The following PPP3CA variants were observed in gnomAD, a reference collection of about 807,000 sequenced individuals.
The protein encoded by PPP3CA is protein phosphatase 3 catalytic subunit alpha.
PPP3CA carries 14 observed loss-of-function variants against 66.5 expected under a neutral mutation model. The observed-to-expected ratio is 0.21, with a 90% CI of 0.14 to 0.33. The LOEUF is 0.33. Among genes scored for constraint, PPP3CA ranks in the 10% least tolerant of loss-of-function variants. The pLI, the probability that PPP3CA is intolerant of heterozygous loss-of-function variation, is 1.00. For missense variants in PPP3CA, 317 were observed against 639.5 expected (o/e 0.50, Z 5.44); for synonymous variants, 232 against 226.2 (o/e 1.03, Z -0.23).
At chr4:101,065,339 C>G (rs901549574) in intron 8 of PPP3CA, among the ~76,000 whole-genome samples, 1 of 152,060 alleles carries the variant, frequency 6.6e-6, no homozygotes, top group Non-Finnish European at 1.5e-5. Flanking sequence ...ATCCTCATAT[C>G]TTCAGATGAA....
At chr4:101,263,875 A>G (rs116221530) in intron 1 of PPP3CA, among the ~76,000 whole-genome samples, 1,836 of 152,310 alleles carry the variant, frequency 0.012, 30 homozygotes, top group African/African-American at 0.042. Flanking sequence ...AAATCTATAT[A>G]TACTATGCAA....
rs1560567118 is a variant in PPP3CA, at chr4:101,025,848, A to T, written c.*17T>A. On this transcript the variant is annotated 3_prime_UTR_variant, in exon 14 of 14. Coordinates refer to ENST00000394854, the MANE Select transcript of PPP3CA (RefSeq NM_000944.5). ...AAAAAAAAAAAAAAAAAAAAAAAAA[A>T]AGTGAACAGGAAGTGGTCACTGAAT... 7 of 1,340,568 alleles carry T rather than the reference A, an allele frequency of 5.2e-6. No homozygotes were observed. Among genetic ancestry groups the T allele is most frequent in the Non-Finnish European group, 7.0e-6 (7 of 1,000,960 alleles). 83.0% of individuals were successfully genotyped at this position (1,340,568 alleles called of 1,614,324 possible).
At chr4:101,222,532 T>C (rs1016132863) in intron 1 of PPP3CA, among the ~76,000 whole-genome samples, 8 of 151,622 alleles carry the variant, frequency 5.3e-5, no homozygotes, top group African/African-American at 1.9e-4. Context: ...AGAGGAAGGG[T>C]ACACCTTATA....
At chr4:101,309,772 A>G (rs1728665622) in intron 1 of PPP3CA, among the ~76,000 whole-genome samples, 1 of 152,208 alleles carries the variant, frequency 6.6e-6, no homozygotes, top group South Asian at 2.1e-4. Flanking sequence ...TAACCAAGAG[A>G]GACACTGTTC....
chr4:101,060,248 T>C (rs896385636), intron 10 of PPP3CA, among the ~76,000 whole-genome samples: 4 of 151,970 alleles, frequency 2.6e-5, no homozygotes, highest in African/African-American at 9.7e-5. Flanking sequence ...CCACCACACA[T>C]GGCTAATTTT....
chr4:101,251,184 G>A lies in PPP3CA; in HGVS notation c.59-55068C>T, dbSNP rs187639330. On this transcript the variant is annotated intron_variant, in intron 1 of 13. Coordinates refer to ENST00000394854, the MANE Select transcript of PPP3CA (RefSeq NM_000944.5). ...AAAATTATATCATATGAAGACAAAT[G>A]TAGAACAATGAAAGAAAACAACTGG... 3.1e-3 allele frequency among the ~76,000 whole-genome samples: 478 copies of A among 152,010 alleles called. 2 individuals are homozygous for A. The Middle Eastern group carries it at 0.037, about 12-fold the overall frequency.
At chr4:101,038,119 T>C (rs1263704270) in intron 11 of PPP3CA, among the ~76,000 whole-genome samples, 1 of 152,148 alleles carries the variant, frequency 6.6e-6, no homozygotes, top group African/African-American at 2.4e-5. Flanking sequence ...ACCTGGCACT[T>C]AGCAAGTGCC....
At position 101,161,610 on chromosome 4, in the gene PPP3CA, C is replaced by T. The variant is rs548888426; in HGVS notation, c.259+34306G>A. 2.6e-5 allele frequency among the ~76,000 whole-genome samples: 4 copies of T among 152,178 alleles called. No homozygotes were observed. In the East Asian group the frequency reaches 7.7e-4, roughly 29 times the overall value. ...ATTTAAATACAGACATAAAAAAATG[C>T]TCGGTTGGCAATTAGGATTTTACAC... On this transcript the variant is annotated intron_variant, in intron 2 of 13. Transcript: ENST00000394854.
intron 1 of PPP3CA, among the ~76,000 whole-genome samples, chr4:101,230,754 C>T (rs142721806): frequency 9.2e-5 from 14 of 151,670 alleles, no homozygotes; most frequent in East Asian, 2.0e-4. Flanking sequence ...TAGAATAGCA[C>T]GCAAAGATTT....
rs549310301 is a variant in PPP3CA, at chr4:101,121,267, A to T, written c.260-12189T>A. Among the ~76,000 whole-genome samples, 268 of 152,254 alleles carry T rather than the reference A, an allele frequency of 1.8e-3. 1 individual carries two copies. Among genetic ancestry groups the T allele is most frequent in the Non-Finnish European group, 2.8e-3 (191 of 67,966 alleles). ...CATAATATGTATTTGATAAGTTATTAAACTGCTTCTTATTGAGAAAAGTTT... is the reference window on the plus strand; with the variant it reads ...CATAATATGTATTTGATAAGTTATTTAACTGCTTCTTATTGAGAAAAGTTT... On this transcript the variant is annotated intron_variant, in intron 2 of 13. Coordinates refer to ENST00000394854, the MANE Select transcript of PPP3CA (RefSeq NM_000944.5).
chr4:101,161,660 A>G (rs1365738706), intron 2 of PPP3CA, among the ~76,000 whole-genome samples: 3 of 152,190 alleles, frequency 2.0e-5, no homozygotes, highest in Non-Finnish European at 4.4e-5. Context: ...TTTTTAACAC[A>G]TACAGGTGAG....
rs532116129 is a variant in PPP3CA, at chr4:101,043,656, C to T, written c.1157-3090G>A. On this transcript the variant is annotated intron_variant, in intron 10 of 13. Coordinates refer to ENST00000394854, the MANE Select transcript of PPP3CA (RefSeq NM_000944.5). ...TTGGGAGACTGAGGTGGGCGGATCA[C>T]GAGGTTGGGAGATCGAGACCATCCT... 1.1e-4 allele frequency among the ~76,000 whole-genome samples: 17 copies of T among 151,964 alleles called. No individual in the cohort carries two copies. In the East Asian group the frequency reaches 3.1e-3, roughly 28 times the overall value.
At position 101,087,490 on chromosome 4, in the gene PPP3CA, G is replaced by A. The variant is rs545255494; in HGVS notation, c.783-4227C>T. Among the ~76,000 whole-genome samples the A allele has an allele frequency of 7.2e-5, 11 of 152,106 alleles. No homozygotes were observed. In the South Asian group the frequency reaches 2.3e-3, roughly 32 times the overall value. ...TCTCTTACTGTCACCTCCTCTCTATGGGTAACCAGTATCCTGGCTTATAGC... is the reference window on the plus strand; with the variant it reads ...TCTCTTACTGTCACCTCCTCTCTATAGGTAACCAGTATCCTGGCTTATAGC... On this transcript the variant is annotated intron_variant, in intron 6 of 13. Coordinates refer to ENST00000394854, the MANE Select transcript of PPP3CA (RefSeq NM_000944.5).
chr4:101,257,486 A>C (rs1726882861), intron 1 of PPP3CA, among the ~76,000 whole-genome samples: 2 of 152,110 alleles, frequency 1.3e-5, no homozygotes, highest in South Asian at 2.1e-4. Context: ...AAGTATTTAA[A>C]TCAGAGACTA....
chr4:101,293,381 C>T (rs548415732), intron 1 of PPP3CA, among the ~76,000 whole-genome samples: 46 of 152,300 alleles, frequency 3.0e-4, no homozygotes, highest in African/African-American at 1.1e-3. Flanking sequence ...CTCAGGAACT[C>T]TTGATTCTTC....
At chr4:101,181,912 T>A (rs193186354) in intron 2 of PPP3CA, among the ~76,000 whole-genome samples, 143 of 152,178 alleles carry the variant, frequency 9.4e-4, no homozygotes, top group Non-Finnish European at 1.7e-3. Flanking sequence ...GAGTTGACAA[T>A]AATTTGATTG....
intron 10 of PPP3CA, among the ~76,000 whole-genome samples, chr4:101,051,770 TA>T (rs1190106062): frequency 6.6e-6 from 1 of 152,158 alleles, no homozygotes; most frequent in Non-Finnish European, 1.5e-5. Context: ...TAAATCCATT[TA>T]TGCTTAGATA....
In PPP3CA at chr4:101,300,496, T is replaced by A. The variant is rs1195664385; in HGVS notation, c.58+46243A>T. ...TTGTTTTAATGTTTTAAATTAATTTTAAAATCCCTTTTTGCCAGCCAGGTG... is the reference window on the plus strand; with the variant it reads ...TTGTTTTAATGTTTTAAATTAATTTAAAAATCCCTTTTTGCCAGCCAGGTG... On this transcript the variant is annotated intron_variant, in intron 1 of 13. Transcript: ENST00000394854. 2.6e-5 allele frequency among the ~76,000 whole-genome samples: 4 copies of A among 152,308 alleles called. No homozygotes were observed. The East Asian group carries it at 7.7e-4, about 29-fold the overall frequency.
intron 1 of PPP3CA, among the ~76,000 whole-genome samples, chr4:101,310,325 C>G (rs1014186709): frequency 6.6e-6 from 1 of 152,178 alleles, no homozygotes; most frequent in Non-Finnish European, 1.5e-5. Flanking sequence ...TGTAATCACA[C>G]AAGACCTCAA....
Sources: gnomAD v4.1 joint callset for allele counts (sites outside exome capture counted in the v4.1 genomes callset) on GRCh38, gnomAD v4.1.1 for gene constraint, MANE v1.5 for transcripts, NCBI Gene and HGNC (gene_info 2026-07-23, HGNC 2026-07-21) for gene names.